The following RAB3GAP2 variants were observed in gnomAD, a reference collection of about 807,000 sequenced individuals.
RAB3GAP2 encodes the protein RAB3 GTPase activating non-catalytic protein subunit 2.
Under a neutral mutation model 185.3 loss-of-function variants are expected in RAB3GAP2, and 87 were observed. The observed-to-expected ratio is 0.47, with a 90% CI of 0.39 to 0.56. RAB3GAP2 has a LOEUF of 0.56. Ranked by LOEUF, RAB3GAP2 falls within the 20% of genes least tolerant of loss-of-function variation. RAB3GAP2 has a pLI of 0.00. For missense variants in RAB3GAP2, 1,492 were observed against 1,638.2 expected, an observed-to-expected ratio of 0.91 and a Z score of 1.54; for synonymous variants, 554 against 576.1, an observed-to-expected ratio of 0.96 and a Z score of 0.55.
At chr1:220,151,881 CT>C in intron 33 of RAB3GAP2, 117 bp from the exon 34 acceptor site, 3 of 1,095,428 alleles carry the variant, frequency 2.7e-6, no homozygotes, top group Non-Finnish European at 4.0e-6. Context: ...GGCCATTTAT[CT>C]TTTGATTGTA....
chr1:220,169,308 T>A (rs989883948), intron 24 of RAB3GAP2, among the ~76,000 whole-genome samples: 1 of 152,110 alleles, frequency 6.6e-6, no homozygotes, highest in Non-Finnish European at 1.5e-5. Flanking sequence ...CAAAGACAAC[T>A]AAAAATGTAA....
At chr1:220,214,004 C>T (rs1201912250) in intron 2 of RAB3GAP2, 25 bp from the exon 3 acceptor site, 3 of 1,611,382 alleles carry the variant, frequency 1.9e-6, no homozygotes, top group Non-Finnish European at 2.5e-6. Context: ...ACAATTACTG[C>T]ATATGCAAAA....
chr1:220,157,731 T>G, intron 30 of RAB3GAP2, 71 bp downstream of exon 30: 1 of 1,354,940 alleles, frequency 7.4e-7, no homozygotes, highest in Non-Finnish European at 1.1e-6. Context: ...TAGTCATTTA[T>G]TAAATGCAAT....
chr1:220,182,145 A>G (rs1658421071), intron 21 of RAB3GAP2, 112 bp downstream of exon 21: 5 of 1,539,974 alleles, frequency 3.2e-6, no homozygotes, highest in Non-Finnish European at 4.4e-6. Context: ...GAAAGTTTTC[A>G]TGGACATTCT....
rs368183374 is a variant in RAB3GAP2, at chr1:220,224,894, G to T, written c.180+7905C>A. On this transcript the variant is annotated intron_variant, in intron 2 of 34. Transcript: ENST00000358951. ...GGCACCAGGTCCCCCTAGAAGTAAA[G>T]GTATGGATGGGGCTAAAAGCAGGAG... is the stretch of plus-strand genomic sequence containing the variant. 9.2e-5 allele frequency among the ~76,000 whole-genome samples: 14 copies of T among 152,218 alleles called. No individual in the cohort carries two copies. The East Asian group carries it at 1.7e-3, about 19-fold the overall frequency.
intron 24 of RAB3GAP2, among the ~76,000 whole-genome samples, chr1:220,170,510 T>C (rs575513915): frequency 6.6e-6 from 1 of 152,296 alleles, no homozygotes; most frequent in South Asian, 2.1e-4. Flanking sequence ...ATCTCTGTAA[T>C]GCCTGGTTTA....
chr1:220,270,092 A>G (rs142005934), intron 1 of RAB3GAP2, among the ~76,000 whole-genome samples: 1 of 152,258 alleles, frequency 6.6e-6, no homozygotes, highest in Non-Finnish European at 1.5e-5. Flanking sequence ...CAAAACCAAT[A>G]AGCATTTTTC....
intron 8 of RAB3GAP2, 149 bp from the exon 9 acceptor site, chr1:220,202,523 T>C: frequency 1.2e-6 from 1 of 825,714 alleles, no homozygotes; most frequent in East Asian, 2.7e-5. Flanking sequence ...GTGAGATTTA[T>C]TCACACCAAG....
intron 1 of RAB3GAP2, among the ~76,000 whole-genome samples, chr1:220,257,929 C>T (rs926639643): frequency 1.3e-5 from 2 of 151,820 alleles, no homozygotes; most frequent in Admixed American, 1.3e-4. Flanking sequence ...TACAAACAAC[C>T]CTCAGAGAAT....
intron 2 of RAB3GAP2, among the ~76,000 whole-genome samples, chr1:220,216,920 G>A (rs534910771): frequency 3.3e-5 from 5 of 150,822 alleles, no homozygotes; most frequent in South Asian, 2.1e-4. Context: ...TTGTTCCTAT[G>A]TTTCTGTCCC....
At chr1:220,157,938 C>A in intron 29 of RAB3GAP2, 62 bp from the exon 30 acceptor site, 1 of 1,270,816 alleles carries the variant, frequency 7.9e-7, no homozygotes, top group South Asian at 1.2e-5. Flanking sequence ...TACTGTCAGC[C>A]AAACAAGAAC....
chr1:220,236,761 G>A (rs951627950), intron 1 of RAB3GAP2, among the ~76,000 whole-genome samples: 3 of 151,724 alleles, frequency 2.0e-5, no homozygotes, highest in Admixed American at 6.6e-5. Context: ...GTTCAGGCAC[G>A]GTACTTCCTT....
rs560636674 is a variant in RAB3GAP2, at chr1:220,153,290, A to C, written c.3762T>G (p.Ala1254=). 1 of 1,614,184 alleles carries C rather than the reference A, an allele frequency of 6.2e-7. No homozygotes were observed. The highest frequency in any genetic ancestry group is 1.1e-5 in the South Asian group (1 of 91,088). ...GGTGATGGGCTAAATCCACAGCTAG[A>C]GCTGGCCAATCTTGGTCTTTCCCAA... The part of the protein sequence containing the change: ...TPFGKDQDWP[A]LAVDLAHHLQ... The change falls in exon 33 of 35, where the codon GCT becomes GCG. Residue 1254 remains alanine (A), a synonymous_variant. Transcript: ENST00000358951.
chr1:220,262,480 C>A (rs376590174), intron 1 of RAB3GAP2, among the ~76,000 whole-genome samples: 30 of 152,286 alleles, frequency 2.0e-4, no homozygotes, highest in Middle Eastern at 3.4e-3. Flanking sequence ...CCCGTTCTCC[C>A]TTTCCTCAGC....
chr1:220,188,281 C>G (rs1258123755), intron 17 of RAB3GAP2, among the ~76,000 whole-genome samples: 1 of 151,568 alleles, frequency 6.6e-6, no homozygotes, highest in African/African-American at 2.4e-5. Flanking sequence ...CTTAAAAGAC[C>G]TAAAGAAAAA....
At chr1:220,198,064 C>T (rs1658763146) in intron 9 of RAB3GAP2, among the ~76,000 whole-genome samples, 1 of 152,116 alleles carries the variant, frequency 6.6e-6, no homozygotes, top group Non-Finnish European at 1.5e-5. Context: ...CACTATTTAT[C>T]AAGTACCTCT....
chr1:220,193,775 A>G (rs1658669913), intron 12 of RAB3GAP2, among the ~76,000 whole-genome samples: 2 of 152,190 alleles, frequency 1.3e-5, no homozygotes, highest in Admixed American at 1.3e-4. Context: ...GCAAGATATG[A>G]CATCCTGCTG....
chr1:220,160,029 G>GA (rs1657936521), intron 28 of RAB3GAP2, among the ~76,000 whole-genome samples: 1 of 146,720 alleles, frequency 6.8e-6, no homozygotes, highest in Non-Finnish European at 1.5e-5. Context: ...TCCTACCAAA[G>GA]AAAAACTAAA....
chr1:220,215,743 T>C (rs1216966479), intron 2 of RAB3GAP2, among the ~76,000 whole-genome samples: 1 of 152,170 alleles, frequency 6.6e-6, no homozygotes, highest in Non-Finnish European at 1.5e-5. Context: ...ATTATCCATC[T>C]ATTCTCTTAC....
Sources: allele counts gnomAD v4.1 joint callset (sites outside exome capture counted in the v4.1 genomes callset), GRCh38; gene constraint gnomAD v4.1.1; transcripts MANE v1.5; gene names NCBI Gene and HGNC (gene_info 2026-07-23, HGNC 2026-07-21).